Variants in HDAC9 observed in about 807,000 individuals in gnomAD.
HDAC9 encodes the protein MEF-2 interacting transcription repressor (MITR) protein.
In HDAC9, 41 loss-of-function variants were observed where a neutral mutation model predicts 139.4. The ratio of observed to expected loss-of-function variants is 0.29; its 90% confidence interval spans 0.23 to 0.38. The LOEUF is 0.38. Ranked by LOEUF, HDAC9 falls within the 10% of genes least tolerant of loss-of-function variation. The pLI, the probability that HDAC9 is intolerant of heterozygous loss-of-function variation, is 1.00. For synonymous variants in HDAC9, 517 were observed against 476.2 expected, an observed-to-expected ratio of 1.09 and a Z score of -1.12; for missense variants, 1,147 against 1,297.0, an observed-to-expected ratio of 0.88 and a Z score of 1.78.
chr7:18,882,478 A>G (rs924550819), intron 22 of HDAC9, among the ~76,000 whole-genome samples: 1 of 152,106 alleles, frequency 6.6e-6, no homozygotes, highest in Non-Finnish European at 1.5e-5. Flanking sequence ...TCTGCTCAGA[A>G]AACCAGGACA....
chr7:18,975,424 G>A (rs1563098784), intron 24 of HDAC9, among the ~76,000 whole-genome samples: 2 of 152,116 alleles, frequency 1.3e-5, no homozygotes, highest in Non-Finnish European at 1.5e-5. Context: ...TTAACAGTAC[G>A]ATTCCATTCA....
At chr7:18,305,188 T>C (rs1646667843) in intron 1 of HDAC9, among the ~76,000 whole-genome samples, 1 of 152,128 alleles carries the variant, frequency 6.6e-6, no homozygotes, top group Non-Finnish European at 1.5e-5. Flanking sequence ...GTAATGTTTG[T>C]GTTTGTTTTT....
At chr7:18,966,215 G>C (rs1783834653) in intron 24 of HDAC9, among the ~76,000 whole-genome samples, 1 of 152,084 alleles carries the variant, frequency 6.6e-6, no homozygotes, top group African/African-American at 2.4e-5. Flanking sequence ...TCTTTTCCTG[G>C]TCCTTTTGTG....
chr7:18,717,366 C>A, intron 12 of HDAC9, among the ~76,000 whole-genome samples: 1 of 151,922 alleles, frequency 6.6e-6, no homozygotes. Flanking sequence ...AAGATACCCT[C>A]TACCTTAACC....
intron 1 of HDAC9, among the ~76,000 whole-genome samples, chr7:18,323,745 T>C (rs182535088): frequency 6.6e-6 from 1 of 152,162 alleles, no homozygotes; most frequent in East Asian, 1.9e-4. Flanking sequence ...GAAGAACAAA[T>C]TGCTGGGGAA....
Position 18,991,631 on chromosome 7 carries a change from C to T in HDAC9, c.3171-4392C>T, listed in dbSNP as rs1447059172. Among the ~76,000 whole-genome samples, 9 of 147,974 alleles carry T rather than the reference C, an allele frequency of 6.1e-5. No individual in the cohort carries two copies. In the South Asian group the frequency reaches 8.5e-4, roughly 14 times the overall value. ...CAGCCTGGGTGACAGTGAGAGACTC[C>T]GTCTCAAAAGAAAAAAAAAAAAAAG... On this transcript the variant is annotated intron_variant, in intron 25 of 25. Transcript: ENST00000686413.
At chr7:18,288,357 T>G (rs1198569080), upstream of HDAC9, among the ~76,000 whole-genome samples, 1 of 152,232 alleles carries the variant, frequency 6.6e-6, no homozygotes, top group African/African-American at 2.4e-5. Context: ...CTTCAGTTAC[T>G]CTTATTTTCC....
chr7:18,684,163 T>G (rs1584834069), intron 12 of HDAC9, among the ~76,000 whole-genome samples: 1 of 151,466 alleles, frequency 6.6e-6, no homozygotes, highest in Non-Finnish European at 1.5e-5. Flanking sequence ...GAGGCTGAGG[T>G]AGGAGAGTCA....
At chr7:18,987,295 A>C (rs2129346184) in intron 25 of HDAC9, among the ~76,000 whole-genome samples, 1 of 152,358 alleles carries the variant, frequency 6.6e-6, no homozygotes, top group Non-Finnish European at 1.5e-5. Context: ...GAATTTTGTC[A>C]GAGGCCTTTT....
At chr7:18,939,422 A>G (rs1360818283) in intron 23 of HDAC9, among the ~76,000 whole-genome samples, 1 of 152,226 alleles carries the variant, frequency 6.6e-6, no homozygotes, top group Non-Finnish European at 1.5e-5. Context: ...GAAAAATACA[A>G]ATGTGTTGTA....
At chr7:18,425,510 A>G (rs1229933105) in intron 1 of HDAC9, among the ~76,000 whole-genome samples, 3 of 152,166 alleles carry the variant, frequency 2.0e-5, no homozygotes, top group Non-Finnish European at 4.4e-5. Flanking sequence ...TGTCAACTAA[A>G]TTGTATTTGG....
chr7:18,439,662 C>T (rs982580758), intron 1 of HDAC9, among the ~76,000 whole-genome samples: 1 of 152,130 alleles, frequency 6.6e-6, no homozygotes, highest in African/African-American at 2.4e-5. Flanking sequence ...TTTGAGAAAT[C>T]AATTTAGTGG....
chr7:18,390,813 G>A (rs1180891527), intron 1 of HDAC9, among the ~76,000 whole-genome samples: 4 of 152,216 alleles, frequency 2.6e-5, no homozygotes, highest in African/African-American at 7.2e-5. Flanking sequence ...TTTGGGCTGG[G>A]CATGGTGGCT....
chr7:18,875,452 A>T (rs1799248831), intron 22 of HDAC9, among the ~76,000 whole-genome samples: 1 of 152,154 alleles, frequency 6.6e-6, no homozygotes, highest in Admixed American at 6.5e-5. Flanking sequence ...TTTGGAGCAA[A>T]TGTGCTGTAT....
chr7:18,380,295 A>G (rs562709621), intron 1 of HDAC9, among the ~76,000 whole-genome samples: 1 of 152,356 alleles, frequency 6.6e-6, no homozygotes, highest in African/African-American at 2.4e-5. Flanking sequence ...AAAGCATTAC[A>G]TGAGAAAAAA....
At chr7:18,535,699 G>A (rs1183084913) in intron 2 of HDAC9, among the ~76,000 whole-genome samples, 1 of 142,558 alleles carries the variant, frequency 7.0e-6, no homozygotes, top group African/African-American at 2.7e-5. Flanking sequence ...ATTTTTCTGG[G>A]GATAGCCCAT....
At chr7:18,195,398 AAAT>A (rs1321561292) in intron 2 of HDAC9, among the ~76,000 whole-genome samples, 1 of 152,202 alleles carries the variant, frequency 6.6e-6, no homozygotes, top group Non-Finnish European at 1.5e-5. Flanking sequence ...TATAATCAAA[AAAT>A]AGTATTTCTG....
chr7:18,781,003 G>A (rs1012401834), intron 16 of HDAC9, among the ~76,000 whole-genome samples: 9 of 151,992 alleles, frequency 5.9e-5, no homozygotes, highest in Non-Finnish European at 1.0e-4. Flanking sequence ...GAGCCTAGAA[G>A]TTCAATATCA....
intron 2 of HDAC9, among the ~76,000 whole-genome samples, chr7:18,273,984 A>C (rs193102958): frequency 3.9e-5 from 6 of 152,282 alleles, no homozygotes; most frequent in Admixed American, 3.9e-4. Context: ...ATTCTGAGGA[A>C]TGTAAATTGG....
Sources: gnomAD v4.1 joint callset for allele counts (sites outside exome capture counted in the v4.1 genomes callset) on GRCh38, gnomAD v4.1.1 for gene constraint, MANE v1.5 for transcripts, NCBI Gene and HGNC (gene_info 2026-07-23, HGNC 2026-07-21) for gene names.